Variants in AGMO observed in about 807,000 individuals in gnomAD.
AGMO encodes alkylglycerol monooxygenase, also known as glyceryl-ether monooxygenase.
Under a neutral mutation model 60.2 loss-of-function variants are expected in AGMO, and 75 were observed. The ratio of observed to expected loss-of-function variants is 1.25; its 90% CI spans 1.03 to 1.51. The LOEUF (loss-of-function observed/expected upper bound fraction) is 1.51. Among genes scored for constraint, AGMO ranks in the 40% most tolerant of loss-of-function variants. The pLI is 0.00. For missense variants in AGMO, 763 were observed against 525.5 expected (o/e 1.45, Z -4.42); for synonymous variants, 261 against 177.1 (o/e 1.47, Z -3.76).
the AGMO span, among the ~76,000 whole-genome samples, chr7:15,164,377 C>T: frequency 1.3e-5 from 2 of 151,822 alleles, 1 homozygote; most frequent in South Asian, 4.1e-4. Context: ...CAACAAAAAA[C>T]AAAAATAGAC....
chr7:15,389,356 G>T (rs958830284), intron 8 of AGMO, among the ~76,000 whole-genome samples: 2 of 152,130 alleles, frequency 1.3e-5, no homozygotes, highest in South Asian at 4.1e-4. Context: ...ATGAAGAAAA[G>T]GGAGCTTTCA....
At chr7:15,361,986 T>C (rs958619198) in intron 12 of AGMO, among the ~76,000 whole-genome samples, 1 of 152,186 alleles carries the variant, frequency 6.6e-6, no homozygotes, top group African/African-American at 2.4e-5. Context: ...ATTGCTTCAC[T>C]GACATTGATT....
chr7:15,463,627 G>T (rs772635098), intron 3 of AGMO, among the ~76,000 whole-genome samples: 4 of 152,094 alleles, frequency 2.6e-5, no homozygotes, highest in Non-Finnish European at 5.9e-5. Flanking sequence ...CCTTCCTCAA[G>T]AAGTACATCC....
chr7:15,146,956 C>T, the AGMO span, among the ~76,000 whole-genome samples: 28 of 152,208 alleles, frequency 1.8e-4, no homozygotes, highest in African/African-American at 6.7e-4. Context: ...TTTTTTATAA[C>T]CACTTTATTA....
chr7:15,238,289 T>C (rs112680991), intron 12 of AGMO, among the ~76,000 whole-genome samples: 3,369 of 152,046 alleles, frequency 0.022, 124 homozygotes, highest in African/African-American at 0.078. Context: ...ATATTAGGAA[T>C]TTCTTAAGGC....
chr7:15,394,013 C>A, intron 6 of AGMO, 100 bp downstream of exon 6: 2 of 687,188 alleles, frequency 2.9e-6, no homozygotes, highest in East Asian at 4.5e-5. Flanking sequence ...AAAATGTGTG[C>A]TGACTATATT....
intron 12 of AGMO, among the ~76,000 whole-genome samples, chr7:15,202,664 A>T (rs1781328867): frequency 6.6e-6 from 1 of 152,012 alleles, no homozygotes; most frequent in Non-Finnish European, 1.5e-5. Flanking sequence ...ACTAAAAATA[A>T]AATCAGCAGT....
intron 6 of AGMO, among the ~76,000 whole-genome samples, chr7:15,393,097 C>T (rs1784217931): frequency 6.6e-6 from 1 of 152,190 alleles, no homozygotes; most frequent in African/African-American, 2.4e-5. Context: ...AAAGTCGAAC[C>T]AATCATAAAT....
At chr7:15,526,521 T>C (rs1057008713) in intron 3 of AGMO, among the ~76,000 whole-genome samples, 1 of 152,166 alleles carries the variant, frequency 6.6e-6, no homozygotes, top group Admixed American at 6.6e-5. Context: ...TGCGTTTGCC[T>C]GTAAGTCTTA....
intron 12 of AGMO, among the ~76,000 whole-genome samples, chr7:15,336,694 T>C (rs1435305347): frequency 1.3e-5 from 2 of 152,192 alleles, no homozygotes; most frequent in Non-Finnish European, 2.9e-5. Flanking sequence ...TTGTGTGTTC[T>C]GATACATTTT....
chr7:15,268,658 G>T (rs529742912), intron 12 of AGMO, among the ~76,000 whole-genome samples: 1 of 151,976 alleles, frequency 6.6e-6, no homozygotes, highest in South Asian at 2.1e-4. Flanking sequence ...AAGTGGTAAA[G>T]AGCTGGAAAA....
At chr7:15,504,333 C>G (rs1783456966) in intron 3 of AGMO, among the ~76,000 whole-genome samples, 1 of 151,932 alleles carries the variant, frequency 6.6e-6, no homozygotes, top group Non-Finnish European at 1.5e-5. Context: ...CCACTACTCT[C>G]CAAAGAACAT....
intron 12 of AGMO, among the ~76,000 whole-genome samples, chr7:15,314,964 A>C (rs1780873621): frequency 6.6e-6 from 1 of 152,162 alleles, no homozygotes; most frequent in African/African-American, 2.4e-5. Context: ...TAGGGACCCC[A>C]ATGTAAGGAC....
chr7:15,232,037 A>G (rs1032932932), intron 12 of AGMO, among the ~76,000 whole-genome samples: 1 of 152,198 alleles, frequency 6.6e-6, no homozygotes, highest in African/African-American at 2.4e-5. Context: ...TATTTGTCAT[A>G]TAATTGTATC....
intron 12 of AGMO, among the ~76,000 whole-genome samples, chr7:15,359,535 T>G (rs1490210293): frequency 6.6e-6 from 1 of 152,112 alleles, no homozygotes; most frequent in Non-Finnish European, 1.5e-5. Flanking sequence ...TGTTTTTTTG[T>G]AGAAGTAAAG....
intron 12 of AGMO, among the ~76,000 whole-genome samples, chr7:15,350,952 G>A (rs1327338744): frequency 2.0e-5 from 3 of 152,158 alleles, no homozygotes; most frequent in Non-Finnish European, 2.9e-5. Flanking sequence ...TTGTTGGTAT[G>A]TGTTACTCTG....
intron 3 of AGMO, among the ~76,000 whole-genome samples, chr7:15,518,306 G>A (rs192038339): frequency 6.6e-6 from 1 of 152,274 alleles, no homozygotes; most frequent in African/African-American, 2.4e-5. Context: ...TCCTAGCACA[G>A]CACTGGAGCT....
At chr7:15,187,083 TAAAC>T in the AGMO span, among the ~76,000 whole-genome samples, 4 of 152,170 alleles carry the variant, frequency 2.6e-5, no homozygotes, top group Non-Finnish European at 4.4e-5. Flanking sequence ...AAAATGTAAA[TAAAC>T]AAATAAGTGA....
intron 3 of AGMO, among the ~76,000 whole-genome samples, chr7:15,465,220 G>A (rs551253134): frequency 3.3e-5 from 5 of 151,798 alleles, no homozygotes; most frequent in East Asian, 3.9e-4. Flanking sequence ...ATGTGGGCTC[G>A]CCAGGACCAA....
Sources: gnomAD v4.1 joint callset for allele counts (sites outside exome capture counted in the v4.1 genomes callset) on GRCh38, gnomAD v4.1.1 for gene constraint, MANE v1.5 for transcripts, NCBI Gene and HGNC (gene_info 2026-07-23, HGNC 2026-07-21) for gene names.